The following YPEL1 variants were observed in gnomAD, a reference collection of about 807,000 sequenced individuals.
YPEL1 encodes protein yippee-like 1.
Under a neutral mutation model 17.3 loss-of-function variants are expected in YPEL1, and 7 were observed. That is an observed-to-expected ratio of 0.40 (90% CI 0.23 to 0.76). YPEL1 has a LOEUF of 0.76. Ranked by LOEUF, YPEL1 falls within the 30% of genes least tolerant of loss-of-function variation. The pLI, the probability that YPEL1 is intolerant of heterozygous loss-of-function variation, is 0.35. For synonymous variants in YPEL1, 59 were observed against 59.6 expected (o/e 0.99, Z 0.05); for missense variants, 91 against 155.5 (o/e 0.59, Z 2.21).
chr22:21,719,006 C>T (rs1391449828), intron 1 of YPEL1, among the ~76,000 whole-genome samples: 1 of 152,144 alleles, frequency 6.6e-6, no homozygotes, highest in East Asian at 1.9e-4. Context: ...TCACATTTAG[C>T]GTTAACACAG....
intron 2 of YPEL1, among the ~76,000 whole-genome samples, chr22:21,705,373 G>A (rs1464698773): frequency 2.6e-5 from 4 of 152,138 alleles, no homozygotes; most frequent in African/African-American, 7.2e-5. Flanking sequence ...AAAGGAAACC[G>A]CATATGTCAT....
intron 4 of YPEL1, among the ~76,000 whole-genome samples, chr22:21,702,333 A>G (rs139053931): frequency 6.6e-6 from 1 of 152,302 alleles, no homozygotes; most frequent in East Asian, 1.9e-4. Flanking sequence ...GACCAGGGGA[A>G]GGGCTAGGGA....
intron 1 of YPEL1, among the ~76,000 whole-genome samples, chr22:21,716,161 G>A (rs1321790578): frequency 1.3e-5 from 2 of 152,076 alleles, no homozygotes; most frequent in Admixed American, 1.3e-4. Flanking sequence ...TGCCTGCCCC[G>A]GCTTCCCAGA....
rs2068085321 is a variant in YPEL1, at chr22:21,703,499, C to T, written c.162-21G>A. 6.3e-7 allele frequency: 1 copy of T among 1,597,778 alleles called. No homozygotes were observed. Among genetic ancestry groups the T allele is most frequent in the Non-Finnish European group, 8.5e-7 (1 of 1,173,766 alleles). On this transcript the variant is annotated intron_variant, in intron 3 of 4. Coordinates refer to ENST00000339468, the MANE Select transcript of YPEL1 (RefSeq NM_013313.5). The surrounding 1 kb of genome is among the most constrained non-coding windows in gnomAD (Gnocchi z 6.1). ...TCACCCTGCGGGGACAGAGGGGCCACTGCGCTGCAGGCCCGGCCCGCCCCT... is the reference window on the plus strand; with the variant it reads ...TCACCCTGCGGGGACAGAGGGGCCATTGCGCTGCAGGCCCGGCCCGCCCCT...
chr22:21,728,881 G>A (rs189308553), intron 1 of YPEL1, among the ~76,000 whole-genome samples: 61 of 152,200 alleles, frequency 4.0e-4, no homozygotes, highest in African/African-American at 1.3e-3. Flanking sequence ...ACTGGCTCAC[G>A]CCTGTAATCC....
At chr22:21,704,769 C>A (rs1353045850) in intron 2 of YPEL1, among the ~76,000 whole-genome samples, 2 of 151,854 alleles carry the variant, frequency 1.3e-5, no homozygotes, top group Middle Eastern at 3.2e-3. Context: ...AGAAACAGCT[C>A]ATGGTATATT....
At position 21,700,375 on chromosome 22, in the gene YPEL1, G is replaced by C. The variant is rs1215430701; in HGVS notation, c.*754C>G. On this transcript the variant is annotated 3_prime_UTR_variant, in exon 5 of 5. Transcript: ENST00000339468. ...TTGCCAGGCTGGAGTGCAGTGGCGCGATCTTGGCTCACTGCAACCTCCGCC... is the reference window on the plus strand; with the variant it reads ...TTGCCAGGCTGGAGTGCAGTGGCGCCATCTTGGCTCACTGCAACCTCCGCC... 1.3e-5 allele frequency: 2 copies of C among 152,274 alleles called. No individual in the cohort carries two copies. The highest frequency in any genetic ancestry group is 4.1e-4 in the South Asian group (2 of 4,838). 9.4% of individuals were successfully genotyped at this position (152,274 alleles called of 1,614,324 possible). A position where few individuals can be genotyped will look rare whatever the true frequency, so the allele number is the denominator to read the frequency against.
intron 1 of YPEL1, among the ~76,000 whole-genome samples, chr22:21,725,313 G>A (rs890440159): frequency 2.0e-5 from 3 of 150,386 alleles, no homozygotes; most frequent in African/African-American, 7.4e-5. Context: ...TCCATCTCCC[G>A]GGTTCATGCC....
At chr22:21,718,891 G>A (rs2068253536) in intron 1 of YPEL1, among the ~76,000 whole-genome samples, 2 of 152,106 alleles carry the variant, frequency 1.3e-5, no homozygotes, top group South Asian at 2.1e-4. Context: ...TATTCCTGAT[G>A]GGTGATTTCC....
chr22:21,718,722 T>C (rs1235109440), intron 1 of YPEL1, among the ~76,000 whole-genome samples: 1 of 152,104 alleles, frequency 6.6e-6, no homozygotes, highest in Non-Finnish European at 1.5e-5. Context: ...TCAACAGAGA[T>C]GACTTCATCT....
intron 1 of YPEL1, among the ~76,000 whole-genome samples, chr22:21,713,600 T>G (rs2068192499): frequency 6.6e-6 from 1 of 152,136 alleles, no homozygotes; most frequent in Admixed American, 6.6e-5. Context: ...CCCCGCTTCA[T>G]GGGTGCAGTG....
chr22:21,715,756 CTTTT>C (rs1384813497), intron 1 of YPEL1, among the ~76,000 whole-genome samples: 1 of 56,172 alleles, frequency 1.8e-5, no homozygotes, highest in Non-Finnish European at 3.2e-5. Flanking sequence ...TTTTCTTTTT[CTTTT>C]CTTTTTTTTT....
chr22:21,718,783 TACACACACAC>T (rs10664985), intron 1 of YPEL1, among the ~76,000 whole-genome samples: 5 of 150,164 alleles, frequency 3.3e-5, no homozygotes, highest in African/African-American at 1.2e-4. Flanking sequence ...CACGTGTAAA[TACACACACAC>T]ACACACACAC....
chr22:21,702,002 G>A (rs1425983620), intron 4 of YPEL1, among the ~76,000 whole-genome samples: 1 of 152,116 alleles, frequency 6.6e-6, no homozygotes, highest in Non-Finnish European at 1.5e-5. Flanking sequence ...AATGAGCTGA[G>A]ATCGACCAAG....
chr22:21,703,708 C>CAG lies in YPEL1; in HGVS notation c.161+130_161+131insCT. 3 of 985,472 alleles carry CAG rather than the reference C, an allele frequency of 3.0e-6. No individual in the cohort carries two copies. The highest frequency in any genetic ancestry group is 3.0e-6 in the Non-Finnish European group (2 of 672,996). 61.0% of individuals were successfully genotyped at this position (985,472 alleles called of 1,614,324 possible). On this transcript the variant is annotated intron_variant, in intron 3 of 4. Transcript: ENST00000339468. This position sits in a 1 kb window ranked among gnomAD's most constrained non-coding sequence, Gnocchi z 6.1. ...ATCCTTAGCGCGTTTCAGAAACTCC[C>CAG]GGCGGGGGGATGGTGGGTTCTTTCA...
At chr22:21,716,053 C>T (rs572596818) in intron 1 of YPEL1, among the ~76,000 whole-genome samples, 8 of 152,120 alleles carry the variant, frequency 5.3e-5, no homozygotes, top group Non-Finnish European at 7.3e-5. Context: ...TGAGCCACTG[C>T]GCCTGGCCCT....
At chr22:21,713,107 G>A (rs891920902) in intron 1 of YPEL1, among the ~76,000 whole-genome samples, 1 of 152,140 alleles carries the variant, frequency 6.6e-6, no homozygotes, top group Admixed American at 6.6e-5. Context: ...GCGCACACAC[G>A]GAAAATAAGC....
intron 1 of YPEL1, among the ~76,000 whole-genome samples, chr22:21,711,952 C>T (rs2068170456): frequency 6.6e-6 from 1 of 151,886 alleles, no homozygotes; most frequent in South Asian, 2.1e-4. Context: ...GGTGGGTGGA[C>T]CACTTGAGCC....
intron 1 of YPEL1, among the ~76,000 whole-genome samples, chr22:21,725,347 G>C (rs1407095258): frequency 6.6e-6 from 1 of 151,504 alleles, no homozygotes; most frequent in Non-Finnish European, 1.5e-5. Flanking sequence ...AGCCTCCCAA[G>C]TAGCTGGGAC....
Sources: allele counts gnomAD v4.1 joint callset (sites outside exome capture counted in the v4.1 genomes callset), GRCh38; gene constraint gnomAD v4.1.1; non-coding constraint Gnocchi (gnomAD v3.1); transcripts MANE v1.5; gene names NCBI Gene and HGNC (gene_info 2026-07-23, HGNC 2026-07-21).